ADAM23: variants seen among roughly 807,000 people sequenced by gnomAD.
The protein encoded by ADAM23 is ADAM metallopeptidase domain 23, also known as disintegrin and metalloproteinase domain-containing protein 23.
A neutral mutation model predicts 120.1 loss-of-function variants in ADAM23; 33 were observed. The observed-to-expected ratio is 0.27, with a 90% CI of 0.21 to 0.37. The LOEUF (loss-of-function observed/expected upper bound fraction) is 0.37, where lower values mean the gene tolerates loss of function less well. Ranked by LOEUF, ADAM23 falls within the 10% of genes least tolerant of loss-of-function variation. The probability of loss-of-function intolerance (pLI) is 1.00; values close to 1 mark genes in which losing one functional copy is unlikely to be tolerated. For missense variants in ADAM23, 862 were observed against 1,058.2 expected (o/e 0.81, Z 2.57); for synonymous variants, 367 against 375.2 (o/e 0.98, Z 0.25).
chr2:206,543,364 A>G (rs1473203220), intron 6 of ADAM23, 48 bp downstream of exon 6: 13 of 1,483,854 alleles, frequency 8.8e-6, no homozygotes, highest in Non-Finnish European at 1.2e-5. Flanking sequence ...TCCTCCAGCA[A>G]CTTTGTCTTT....
chr2:206,519,048 C>T (rs1696791214), intron 3 of ADAM23, among the ~76,000 whole-genome samples: 1 of 151,956 alleles, frequency 6.6e-6, no homozygotes, highest in Non-Finnish European at 1.5e-5. Context: ...TCTTGGAGAC[C>T]CTATAATTCA....
intron 24 of ADAM23, among the ~76,000 whole-genome samples, chr2:206,602,542 TACAAATGA>T (rs1698657951): frequency 6.6e-6 from 1 of 152,134 alleles, no homozygotes; most frequent in East Asian, 1.9e-4. Context: ...GTCCATGGAA[TACAAATGA>T]TGACTTTGAT....
At chr2:206,497,662 G>A (rs565179513) in intron 3 of ADAM23, among the ~76,000 whole-genome samples, 1 of 152,194 alleles carries the variant, frequency 6.6e-6, no homozygotes, top group East Asian at 1.9e-4. Context: ...GGGCAGTCAG[G>A]CAGGAGAAGG....
intron 24 of ADAM23, chr2:206,606,347 T>C (rs1173723402): frequency 6.6e-6 from 1 of 152,448 alleles, no homozygotes; most frequent in East Asian, 1.9e-4. Context: ...TAGCTACTAA[T>C]GTTTTCTTCA....
chr2:206,526,585 C>A (rs190728094), intron 3 of ADAM23, among the ~76,000 whole-genome samples: 2 of 152,130 alleles, frequency 1.3e-5, no homozygotes, highest in African/African-American at 4.8e-5. Context: ...GATAATCCTG[C>A]AGGGATTTTA....
intron 2 of ADAM23, among the ~76,000 whole-genome samples, chr2:206,474,892 A>G (rs966849666): frequency 6.6e-6 from 1 of 152,078 alleles, no homozygotes; most frequent in East Asian, 1.9e-4. Context: ...GCATTATTGT[A>G]TTATTTAATC....
At chr2:206,478,123 C>T (rs1695821672) in intron 2 of ADAM23, among the ~76,000 whole-genome samples, 1 of 151,722 alleles carries the variant, frequency 6.6e-6, no homozygotes, top group South Asian at 2.1e-4. Flanking sequence ...AAAAGTAGCA[C>T]TTGTCAGGTA....
At chr2:206,606,511 A>G (rs968051303) in intron 24 of ADAM23, 1 of 152,242 alleles carries the variant, frequency 6.6e-6, no homozygotes, top group Non-Finnish European at 1.5e-5. Context: ...GAATGAAAAA[A>G]TATTTAATCC....
At chr2:206,466,692 C>T (rs1355631195) in intron 2 of ADAM23, among the ~76,000 whole-genome samples, 6 of 152,130 alleles carry the variant, frequency 3.9e-5, no homozygotes, top group Non-Finnish European at 7.3e-5. Flanking sequence ...GTTCTCAAAT[C>T]GCTATAAAGA....
At chr2:206,477,922 A>ATATATATATATATAT (rs1491552690) in intron 2 of ADAM23, among the ~76,000 whole-genome samples, 5 of 137,092 alleles carry the variant, frequency 3.6e-5, no homozygotes, top group African/African-American at 1.1e-4. Context: ...ATATATATAT[A>ATATATATATATATAT]AAACAACAAT....
At chr2:206,546,039 TTATAAA>T (rs1361199455) in intron 6 of ADAM23, among the ~76,000 whole-genome samples, 3 of 152,216 alleles carry the variant, frequency 2.0e-5, no homozygotes, top group Non-Finnish European at 2.9e-5. Context: ...TCATAAGGAT[TTATAAA>T]TATAAACTAT....
chr2:206,580,326 C>T (rs1459973783), intron 18 of ADAM23, among the ~76,000 whole-genome samples: 1 of 152,106 alleles, frequency 6.6e-6, no homozygotes, highest in Non-Finnish European at 1.5e-5. Context: ...CAACTTTTCC[C>T]CATTCAGTAT....
chr2:206,565,163 G>A, intron 14 of ADAM23, 95 bp downstream of exon 14: 1 of 1,041,166 alleles, frequency 9.6e-7, no homozygotes. Context: ...GGTCTTTTAG[G>A]CTAAGCACAA....
intron 4 of ADAM23, among the ~76,000 whole-genome samples, chr2:206,541,619 A>G (rs1458700978): frequency 1.3e-5 from 2 of 152,180 alleles, no homozygotes; most frequent in Non-Finnish European, 2.9e-5. Flanking sequence ...TGCTTCTAAA[A>G]TGTTTTTAAA....
chr2:206,555,150 C>G (rs984816486), intron 9 of ADAM23, among the ~76,000 whole-genome samples: 5 of 152,066 alleles, frequency 3.3e-5, no homozygotes, highest in African/African-American at 7.2e-5. Context: ...AGCTCTAGCC[C>G]CTTAAGTTCT....
intron 3 of ADAM23, among the ~76,000 whole-genome samples, chr2:206,513,302 T>G (rs975961742): frequency 6.6e-6 from 1 of 152,130 alleles, no homozygotes; most frequent in African/African-American, 2.4e-5. Context: ...TGAAGGAAAT[T>G]AAATGTGCTA....
intron 4 of ADAM23, among the ~76,000 whole-genome samples, chr2:206,531,281 T>C (rs1303321800): frequency 1.3e-5 from 2 of 152,132 alleles, no homozygotes; most frequent in South Asian, 2.1e-4. Flanking sequence ...GAAGACTGGA[T>C]GGGCTGTTAG....
intron 25 of ADAM23, 34 bp downstream of exon 25, chr2:206,610,034 T>C (rs772177400): frequency 2.7e-6 from 4 of 1,497,974 alleles, no homozygotes; most frequent in Non-Finnish European, 2.7e-6. Context: ...TCTCAGTGGC[T>C]CTGGCATTTC....
At chr2:206,482,408 A>T (rs895194022) in intron 3 of ADAM23, among the ~76,000 whole-genome samples, 4 of 152,186 alleles carry the variant, frequency 2.6e-5, no homozygotes, top group African/African-American at 9.7e-5. Flanking sequence ...GATAGAGCTA[A>T]TTTTAGTGTA....
Sources: allele counts gnomAD v4.1 joint callset (sites outside exome capture counted in the v4.1 genomes callset), GRCh38; gene constraint gnomAD v4.1.1; transcripts MANE v1.5; gene names NCBI Gene and HGNC (gene_info 2026-07-23, HGNC 2026-07-21).